Variants in CMIP observed in about 807,000 individuals in gnomAD.
CMIP encodes c-Maf inducing protein, also known as C-Maf-inducing protein.
Under a neutral mutation model 97.3 loss-of-function variants are expected in CMIP, and 13 were observed. That is an observed-to-expected ratio of 0.13 (90% CI 0.09 to 0.21). The LOEUF (loss-of-function observed/expected upper bound fraction) is 0.21. Among genes scored for constraint, CMIP ranks in the 10% least tolerant of loss-of-function variants. The pLI is 1.00. For missense variants in CMIP, 847 were observed against 1,024.9 expected (o/e 0.83, Z 2.37); for synonymous variants, 538 against 436.3 (o/e 1.23, Z -2.91).
At chr16:81,447,487 A>C (rs1905932758) in intron 1 of CMIP, among the ~76,000 whole-genome samples, 1 of 152,124 alleles carries the variant, frequency 6.6e-6, no homozygotes. Context: ...GGGAAGGAAG[A>C]AAGACCTGAA....
chr16:81,572,308 T>A (rs1013287606), intron 1 of CMIP, among the ~76,000 whole-genome samples: 1 of 152,254 alleles, frequency 6.6e-6, no homozygotes, highest in African/African-American at 2.4e-5. Flanking sequence ...TGAGCAGCGA[T>A]TGGCCCTTGC....
intron 1 of CMIP, among the ~76,000 whole-genome samples, chr16:81,502,209 C>G (rs1434535214): frequency 6.6e-6 from 1 of 152,222 alleles, no homozygotes; most frequent in Non-Finnish European, 1.5e-5. Context: ...GGGACCTGGG[C>G]TGACAGTTGC....
intron 16 of CMIP, 51 bp downstream of exon 16, chr16:81,701,851 G>T (rs1285313294): frequency 2.7e-5 from 43 of 1,607,558 alleles, no homozygotes; most frequent in Admixed American, 3.3e-5. Flanking sequence ...GGCCAGGGGG[G>T]GCCAGGGCGG....
rs186154417 is a variant in CMIP, at chr16:81,513,017, G to A, written c.300+67476G>A. 5.7e-3 allele frequency among the ~76,000 whole-genome samples: 861 copies of A among 152,328 alleles called. 31 individuals carry two copies. Among genetic ancestry groups the A allele is most frequent in the Admixed American group, 0.048 (735 of 15,300 alleles). On this transcript the variant is annotated intron_variant, in intron 1 of 20. Transcript: ENST00000537098. ...GTCCCAAAGTGCTGGGATTACAGGC[G>A]TGAGCCACCATGTCCGGCTTATTTG...
At chr16:81,667,510 A>G (rs550697032) in intron 7 of CMIP, among the ~76,000 whole-genome samples, 1 of 152,240 alleles carries the variant, frequency 6.6e-6, no homozygotes, top group Admixed American at 6.5e-5. Context: ...GTAAATGTTT[A>G]TTTCCATGGA....
At chr16:81,654,886 G>A (rs907293393) in intron 4 of CMIP, among the ~76,000 whole-genome samples, 6 of 144,726 alleles carry the variant, frequency 4.1e-5, no homozygotes, top group African/African-American at 1.6e-4. Context: ...TGGAGATGAA[G>A]AGTGAGAAAC....
intron 1 of CMIP, among the ~76,000 whole-genome samples, chr16:81,553,615 A>G (rs567061536): frequency 6.6e-6 from 1 of 152,306 alleles, no homozygotes; most frequent in Admixed American, 6.5e-5. Flanking sequence ...AAGGGGAGAG[A>G]GAGAGACCTC....
intron 1 of CMIP, among the ~76,000 whole-genome samples, chr16:81,587,194 C>T (rs545178913): frequency 3.4e-4 from 52 of 152,298 alleles, no homozygotes; most frequent in African/African-American, 1.0e-3. Flanking sequence ...CTCATTACCA[C>T]GGGGCAGGGT....
rs905585894 is a variant in CMIP at position 81,614,201 on chromosome 16, G to C, written c.426+6509G>C. 2.0e-5 allele frequency among the ~76,000 whole-genome samples: 3 copies of C among 152,308 alleles called. No homozygotes were observed. Among genetic ancestry groups the C allele is most frequent in the East Asian group, 1.9e-4 (1 of 5,186 alleles). On this transcript the variant is annotated intron_variant, in intron 2 of 20. Coordinates refer to ENST00000537098, the MANE Select transcript of CMIP (RefSeq NM_198390.3). The surrounding 1 kb of genome is among the most constrained non-coding windows in gnomAD (Gnocchi z 5.3). ...GGGGTGACAGCAGAATGTTCCTGGT[G>C]GGGGAGTACACGCTGCATGGAAGCC...
intron 1 of CMIP, among the ~76,000 whole-genome samples, chr16:81,523,045 G>A (rs996339873): frequency 3.3e-5 from 5 of 152,012 alleles, no homozygotes; most frequent in African/African-American, 1.2e-4. Context: ...TCCCACCTCA[G>A]CCCCCCAAGT....
intron 1 of CMIP, among the ~76,000 whole-genome samples, chr16:81,569,970 TTC>T (rs2091055028): frequency 6.6e-6 from 1 of 151,914 alleles, no homozygotes; most frequent in Non-Finnish European, 1.5e-5. Context: ...CATTCATTCA[TTC>T]ATTCAGCTTT....
intron 10 of CMIP, among the ~76,000 whole-genome samples, chr16:81,685,442 C>T (rs1001549890): frequency 6.6e-6 from 1 of 152,160 alleles, no homozygotes; most frequent in Non-Finnish European, 1.5e-5. Context: ...CCGTGGGGAC[C>T]CTGATTCCTC....
At chr16:81,554,679 T>A (rs1344413256) in intron 1 of CMIP, among the ~76,000 whole-genome samples, 1 of 152,176 alleles carries the variant, frequency 6.6e-6, no homozygotes, top group Admixed American at 6.5e-5. Context: ...GTGCCTTTTT[T>A]CCTGCAGCCA....
intron 1 of CMIP, among the ~76,000 whole-genome samples, chr16:81,496,247 T>C (rs2089488807): frequency 6.6e-6 from 1 of 152,192 alleles, no homozygotes; most frequent in Admixed American, 6.5e-5. Flanking sequence ...AATTGCTACA[T>C]TTAGTTAATT....
chr16:81,539,516 C>T (rs1465218149), intron 1 of CMIP, among the ~76,000 whole-genome samples: 6 of 152,190 alleles, frequency 3.9e-5, no homozygotes, highest in Non-Finnish European at 7.4e-5. Context: ...CTTCATGCTT[C>T]GCTGTTGCTT....
intron 2 of CMIP, among the ~76,000 whole-genome samples, chr16:81,613,009 C>T (rs1048895404): frequency 6.6e-6 from 1 of 152,226 alleles, no homozygotes; most frequent in Non-Finnish European, 1.5e-5. Context: ...GCAGCCTGGT[C>T]AGCTTTCCCT....
At chr16:81,566,288 A>G (rs1297478510) in intron 1 of CMIP, among the ~76,000 whole-genome samples, 2 of 152,210 alleles carry the variant, frequency 1.3e-5, no homozygotes, top group Non-Finnish European at 2.9e-5. Flanking sequence ...TCAGCCTACC[A>G]GGCCCCGTAC....
intron 1 of CMIP, among the ~76,000 whole-genome samples, chr16:81,476,929 A>G (rs1467798570): frequency 6.6e-6 from 1 of 152,192 alleles, no homozygotes; most frequent in East Asian, 1.9e-4. Context: ...GTGAAGATGA[A>G]TGAAAAGACC....
intron 20 of CMIP, among the ~76,000 whole-genome samples, chr16:81,707,810 G>C (rs375913390): frequency 6.6e-6 from 1 of 152,262 alleles, no homozygotes; most frequent in African/African-American, 2.4e-5. Flanking sequence ...GAGCGGGCGG[G>C]ACTGGCAGAG....
Sources: allele counts gnomAD v4.1 joint callset (sites outside exome capture counted in the v4.1 genomes callset), GRCh38; gene constraint gnomAD v4.1.1; non-coding constraint Gnocchi (gnomAD v3.1); transcripts MANE v1.5; gene names NCBI Gene and HGNC (gene_info 2026-07-23, HGNC 2026-07-21).